Variants in BAG2 observed in about 807,000 individuals in gnomAD.
The protein encoded by BAG2 is BAG cochaperone 2, also known as BAG family molecular chaperone regulator 2.
BAG2 carries 8 observed loss-of-function variants against 16.4 expected under a neutral mutation model. The observed-to-expected ratio is 0.49, with a 90% CI of 0.29 to 0.88. The LOEUF is 0.88. BAG2 is among the 40% of genes least tolerant of loss of function. The pLI is 0.09. For synonymous variants in BAG2, 82 were observed against 89.2 expected (o/e 0.92, Z 0.46); for missense variants, 218 against 248.9 (o/e 0.88, Z 0.84).
rs929253542 is a variant in BAG2, at chr6:57,172,428, C to G, written c.-270C>G. 2 of 264,290 alleles carry G rather than the reference C, an allele frequency of 7.6e-6. No individual in the cohort carries two copies. Among genetic ancestry groups the G allele is most frequent in the South Asian group, 1.1e-4 (1 of 9,240 alleles). 16.4% of individuals were successfully genotyped at this position (264,290 alleles called of 1,614,324 possible). Reference sequence around the variant, plus strand: ...GCCCGAGCCCCTGTCGGCCCATCCTCGAGCCCGTGTGGCTCGCGAACCTCT... The same window carrying G: ...GCCCGAGCCCCTGTCGGCCCATCCTGGAGCCCGTGTGGCTCGCGAACCTCT... On this transcript the variant is annotated 5_prime_UTR_variant, in exon 1 of 3. Transcript: ENST00000370693.
rs930591623 is a variant in BAG2 at position 57,189,280 on chromosome 6, ATAATCT to A, written c.*5094_*5099del. Reference sequence around the variant, plus strand: ...GGTTATAGAAATGTTGAAGTGATTGATAATCTTAAAATACCATACAAAAATGTGTAA... The same window carrying A: ...GGTTATAGAAATGTTGAAGTGATTGATAAAATACCATACAAAAATGTGTAA... On this transcript the variant is annotated 3_prime_UTR_variant, in exon 3 of 3. Coordinates refer to ENST00000370693, the MANE Select transcript of BAG2 (RefSeq NM_004282.4). The A allele has an allele frequency of 5.9e-5, 9 of 152,348 alleles. No homozygotes were observed. The highest frequency in any genetic ancestry group is 8.8e-5 in the Non-Finnish European group (6 of 68,032). The allele number at this position is 152,348 out of a possible 1,614,324, so 9.4% of individuals were successfully genotyped here. A position where few individuals can be genotyped will look rare whatever the true frequency, so the allele number is the denominator to read the frequency against.
intron 2 of BAG2, 92 bp downstream of exon 2, chr6:57,182,233 A>G: frequency 9.8e-7 from 1 of 1,025,482 alleles, no homozygotes; most frequent in Non-Finnish European, 1.5e-6. Context: ...GACTTTTGGT[A>G]TGCGTACACC....
chr6:57,173,188 G>T, intron 1 of BAG2: 1 of 998,866 alleles, frequency 1.0e-6, no homozygotes, highest in Non-Finnish European at 1.2e-6. Context: ...AGAACCTTCT[G>T]TGTGGCCCCA....
At position 57,172,627 on chromosome 6, in the gene BAG2, C is replaced by T. The variant is rs960940851; in HGVS notation, c.-71C>T. 2 of 1,315,088 alleles carry T rather than the reference C, an allele frequency of 1.5e-6. No homozygotes were observed. The highest frequency in any genetic ancestry group is 2.0e-6 in the Non-Finnish European group (2 of 992,072). The allele number at this position is 1,315,088 out of a possible 1,614,324, so 81.5% of individuals were successfully genotyped here. On this transcript the variant is annotated 5_prime_UTR_variant, in exon 1 of 3. Coordinates refer to ENST00000370693, the MANE Select transcript of BAG2 (RefSeq NM_004282.4). The stretch of plus-strand genomic sequence containing the variant: ...GCGTGGTGACGGCGACGCCTGCAGC[C>T]CAAGGAGCGCTCCACTCGCTGCCGC...
In BAG2 at chr6:57,186,334, T is replaced by TGAGAA. The variant is rs1012752704; in HGVS notation, c.*2148_*2149insAGAGA. On this transcript the variant is annotated 3_prime_UTR_variant, in exon 3 of 3. Transcript: ENST00000370693. ...TCATGAGGTTTCATTTTTTCTTTTC[T>TGAGAA]GAGATGGAGTCTTGCTCTGTTGCCC... is the stretch of plus-strand genomic sequence containing the variant. 1 of 152,504 alleles carries TGAGAA rather than the reference T, an allele frequency of 6.6e-6. No homozygotes were observed. Among genetic ancestry groups the TGAGAA allele is most frequent in the African/African-American group, 2.4e-5 (1 of 41,464 alleles). The allele number at this position is 152,504 out of a possible 1,614,324, so 9.4% of individuals were successfully genotyped here.
intron 2 of BAG2, among the ~76,000 whole-genome samples, chr6:57,183,419 T>G (rs1483967227): frequency 6.6e-6 from 1 of 152,202 alleles, no homozygotes; most frequent in African/African-American, 2.4e-5. Context: ...TCTGGAGAGA[T>G]CTGGGACATC....
At chr6:57,173,434 G>C (rs1490761651) in intron 1 of BAG2, 1 of 985,214 alleles carries the variant, frequency 1.0e-6, no homozygotes, top group South Asian at 4.7e-5. Flanking sequence ...CCTCGCGGAC[G>C]GGATTCAGCG....
At chr6:57,175,254 T>C (rs1764245080) in intron 1 of BAG2, among the ~76,000 whole-genome samples, 1 of 152,250 alleles carries the variant, frequency 6.6e-6, no homozygotes, top group Non-Finnish European at 1.5e-5. Flanking sequence ...AAAAATACTA[T>C]GATATTACGA....
rs1404601446 is a variant in BAG2, at chr6:57,186,397, A to C, written c.*2207A>C. 1 of 152,036 alleles carries C rather than the reference A, an allele frequency of 6.6e-6. No homozygotes were observed. Among genetic ancestry groups the C allele is most frequent in the Non-Finnish European group, 1.5e-5 (1 of 68,116 alleles). The allele number at this position is 152,036 out of a possible 1,614,324, so 9.4% of individuals were successfully genotyped here. On this transcript the variant is annotated 3_prime_UTR_variant, in exon 3 of 3. Transcript: ENST00000370693. ...AGTGGTGTGATCTCAGCTCACTGCA[A>C]CCTCCACCTCCCGGGTTCAAGCGAT...
chr6:57,174,452 A>G, intron 1 of BAG2: 3 of 1,214,944 alleles, frequency 2.5e-6, no homozygotes, highest in Non-Finnish European at 3.3e-6. Flanking sequence ...CAGGTTTTGA[A>G]TATTATTATA....
Position 57,185,607 on chromosome 6 carries a change from G to A in BAG2, c.*1417G>A, listed in dbSNP as rs1294378592. 2.0e-5 allele frequency: 3 copies of A among 152,128 alleles called. No homozygotes were observed. Among genetic ancestry groups the A allele is most frequent in the Non-Finnish European group, 4.4e-5 (3 of 68,012 alleles). The allele number at this position is 152,128 out of a possible 1,614,324, so 9.4% of individuals were successfully genotyped here. The stretch of plus-strand genomic sequence containing the variant: ...TACTTCCTTTGCCAGCTCCAACTCT[G>A]CCTTATTTAAATCTTTGCATTTCAT... On this transcript the variant is annotated 3_prime_UTR_variant, in exon 3 of 3. Transcript: ENST00000370693.
intron 1 of BAG2, among the ~76,000 whole-genome samples, chr6:57,175,386 T>C (rs1562639399): frequency 6.6e-6 from 1 of 152,174 alleles, no homozygotes; most frequent in Non-Finnish European, 1.5e-5. Flanking sequence ...TCTTACGTTA[T>C]AATGTTGGGG....
At chr6:57,173,766 T>G (rs540794782) in intron 1 of BAG2, 1 of 159,074 alleles carries the variant, frequency 6.3e-6, no homozygotes, top group East Asian at 1.9e-4. Context: ...TACACAGGAG[T>G]TGGTTACATA....
At position 57,189,307 on chromosome 6, in the gene BAG2, T is replaced by C. The variant is rs1345897959; in HGVS notation, c.*5117T>C. ...AATCTTAAAATACCATACAAAAATG[T>C]GTAAACAAAAGGATGGTTTAGAGTT... On this transcript the variant is annotated 3_prime_UTR_variant, in exon 3 of 3. Coordinates refer to ENST00000370693, the MANE Select transcript of BAG2 (RefSeq NM_004282.4). 6.6e-6 allele frequency: 1 copy of C among 152,212 alleles called. No individual in the cohort carries two copies. The highest frequency in any genetic ancestry group is 6.5e-5 in the Admixed American group (1 of 15,280). The allele number at this position is 152,212 out of a possible 1,614,324, so 9.4% of individuals were successfully genotyped here.
chr6:57,178,849 T>C (rs1217678484), intron 1 of BAG2, among the ~76,000 whole-genome samples: 1 of 152,206 alleles, frequency 6.6e-6, no homozygotes, highest in Admixed American at 6.5e-5. Context: ...TGGTCTCATT[T>C]AATGATAAAA....
At position 57,189,088 on chromosome 6, in the gene BAG2, G is replaced by GTGA. The variant is rs1192703708; in HGVS notation, c.*4900_*4902dup. 9.2e-5 allele frequency: 14 copies of GTGA among 152,196 alleles called. No homozygotes were observed. Among genetic ancestry groups the GTGA allele is most frequent in the Admixed American group, 5.2e-4 (8 of 15,278 alleles). 9.4% of individuals were successfully genotyped at this position (152,196 alleles called of 1,614,324 possible). On this transcript the variant is annotated 3_prime_UTR_variant, in exon 3 of 3. Coordinates refer to ENST00000370693, the MANE Select transcript of BAG2 (RefSeq NM_004282.4). ...AGGTTAAAAATAAAGCCATTGATGA[G>GTGA]TGATAATCAGTTTTAACAGAGTTCA...
chr6:57,173,197 C>T (rs1463903169), intron 1 of BAG2: 1 of 995,172 alleles, frequency 1.0e-6, no homozygotes, highest in African/African-American at 1.7e-5. Context: ...TGTGTGGCCC[C>T]AAACGTTTTA....
At chr6:57,178,030 G>A (rs1299773848) in intron 1 of BAG2, among the ~76,000 whole-genome samples, 1 of 152,168 alleles carries the variant, frequency 6.6e-6, no homozygotes, top group Non-Finnish European at 1.5e-5. Context: ...CAGGAGCACA[G>A]CCCAGGCCAG....
At position 57,187,610 on chromosome 6, in the gene BAG2, T is replaced by TAA. The variant is rs914437718; in HGVS notation, c.*3421_*3422dup. On this transcript the variant is annotated 3_prime_UTR_variant, in exon 3 of 3. Coordinates refer to ENST00000370693, the MANE Select transcript of BAG2 (RefSeq NM_004282.4). ...ATTTCAAAGGTTTTGAAAAGTATGCTAATAATTAACAATATCTTATATTAA... is the reference window on the plus strand; with the variant it reads ...ATTTCAAAGGTTTTGAAAAGTATGCTAAAATAATTAACAATATCTTATATTAA... 6.6e-6 allele frequency: 1 copy of TAA among 152,220 alleles called. No individual in the cohort carries two copies. Among genetic ancestry groups the TAA allele is most frequent in the Non-Finnish European group, 1.5e-5 (1 of 68,018 alleles). 9.4% of individuals were successfully genotyped at this position (152,220 alleles called of 1,614,324 possible).
Sources: allele counts gnomAD v4.1 joint callset (sites outside exome capture counted in the v4.1 genomes callset), GRCh38; gene constraint gnomAD v4.1.1; transcripts MANE v1.5; gene names NCBI Gene and HGNC (gene_info 2026-07-23, HGNC 2026-07-21).